Variants in TCAIM observed in about 807,000 individuals in gnomAD.
TCAIM encodes T cell activation inhibitor, mitochondrial.
A neutral mutation model predicts 58.6 loss-of-function variants in TCAIM; 36 were observed. The observed-to-expected ratio is 0.61, with a 90% CI of 0.47 to 0.81. TCAIM has a LOEUF of 0.81. TCAIM is among the 30% of genes least tolerant of loss of function. TCAIM has a pLI of 0.00. For missense variants in TCAIM, 466 were observed against 579.6 expected (o/e 0.80, Z 2.01); for synonymous variants, 172 against 193.6 (o/e 0.89, Z 0.93).
In TCAIM at chr3:44,406,438, A is replaced by G. The variant is rs78236888; in HGVS notation, c.1251-1004A>G. ...CCAGCTGTGAAACATTTGCAGAACC[A>G]TCAGCCCTGACTGCTGTCTGTCTGC... is the stretch of plus-strand genomic sequence containing the variant. On this transcript the variant is annotated intron_variant, in intron 10 of 10. Transcript: ENST00000342649. Among the ~76,000 whole-genome samples, 838 of 152,208 alleles carry G rather than the reference A, an allele frequency of 5.5e-3. 7 individuals carry two copies. The highest frequency in any genetic ancestry group is 0.019 in the African/African-American group (802 of 41,538).
At chr3:44,352,870 C>T (rs1375914572) in intron 1 of TCAIM, among the ~76,000 whole-genome samples, 1 of 151,038 alleles carries the variant, frequency 6.6e-6, no homozygotes, top group Non-Finnish European at 1.5e-5. Flanking sequence ...AATTCATATG[C>T]TTGGAATCAT....
chr3:44,363,086 AGCTACCACTAGTGCTTCT>A (rs1701317881), intron 4 of TCAIM: 1 of 152,208 alleles, frequency 6.6e-6, no homozygotes, highest in African/African-American at 2.4e-5. Flanking sequence ...TCGTTCCTAC[AGCTACCACTAGTGCTTCT>A]GCTACCACTC....
intron 4 of TCAIM, among the ~76,000 whole-genome samples, chr3:44,365,051 T>C (rs75439200): frequency 0.025 from 3,760 of 152,198 alleles, 67 homozygotes; most frequent in Non-Finnish European, 0.038. Flanking sequence ...GATTAAATAA[T>C]GAGCTGATAA....
chr3:44,379,648 C>A (rs1444535524), intron 5 of TCAIM, among the ~76,000 whole-genome samples: 9 of 152,132 alleles, frequency 5.9e-5, no homozygotes, highest in African/African-American at 2.2e-4. Flanking sequence ...CACATGTCCT[C>A]ACTTATAAGT....
chr3:44,356,869 G>A (rs113540262), intron 2 of TCAIM, among the ~76,000 whole-genome samples: 27,245 of 150,712 alleles, frequency 0.18, 2,723 homozygotes, highest in Middle Eastern at 0.3. Flanking sequence ...CCAGCTACTC[G>A]GGAGGCTGAG....
chr3:44,386,442 A>G (rs2125648330), intron 5 of TCAIM, among the ~76,000 whole-genome samples: 1 of 152,286 alleles, frequency 6.6e-6, no homozygotes, highest in Non-Finnish European at 1.5e-5. Flanking sequence ...GGGAACAGGC[A>G]GGAGCCCCAC....
intron 5 of TCAIM, among the ~76,000 whole-genome samples, chr3:44,382,277 G>A (rs1701666710): frequency 6.6e-6 from 1 of 152,134 alleles, no homozygotes. Context: ...AGACATATAG[G>A]CCAGGTGTAG....
At chr3:44,373,187 T>C (rs1448740681) in intron 5 of TCAIM, among the ~76,000 whole-genome samples, 1 of 152,010 alleles carries the variant, frequency 6.6e-6, no homozygotes, top group Non-Finnish European at 1.5e-5. Flanking sequence ...GAGGAGTTTT[T>C]TAAAAACACA....
intron 6 of TCAIM, among the ~76,000 whole-genome samples, chr3:44,395,201 A>G (rs2125653622): frequency 6.6e-6 from 1 of 152,034 alleles, no homozygotes; most frequent in Admixed American, 6.5e-5. Context: ...TTTAATTTCA[A>G]GTAATCAAAA....
intron 8 of TCAIM, among the ~76,000 whole-genome samples, chr3:44,398,492 GATAGATAA>G (rs1163118172): frequency 7.2e-6 from 1 of 139,522 alleles, no homozygotes; most frequent in East Asian, 2.4e-4. Context: ...TAGATAGATA[GATAGATAA>G]AACCATAGTG....
intron 3 of TCAIM, chr3:44,359,192 G>A: frequency 1.8e-6 from 1 of 545,066 alleles, no homozygotes; most frequent in Non-Finnish European, 2.3e-6. Flanking sequence ...TCAAGCCTGG[G>A]CAACATAGTG....
chr3:44,371,481 A>G (rs113245567), intron 5 of TCAIM, among the ~76,000 whole-genome samples: 8 of 152,194 alleles, frequency 5.3e-5, no homozygotes, highest in African/African-American at 1.9e-4. Context: ...GTTGGGTAGG[A>G]GAGAGAGGAC....
At chr3:44,370,849 C>G (rs1332043969) in intron 5 of TCAIM, among the ~76,000 whole-genome samples, 2 of 150,832 alleles carry the variant, frequency 1.3e-5, no homozygotes, top group Admixed American at 1.3e-4. Flanking sequence ...TCAAGTGATC[C>G]TCCCGCCTCA....
At chr3:44,403,884 G>A (rs2125658195) in intron 10 of TCAIM, among the ~76,000 whole-genome samples, 1 of 152,102 alleles carries the variant, frequency 6.6e-6, no homozygotes, top group East Asian at 1.9e-4. Context: ...TGGTCTTCAG[G>A]CTTCCACACT....
chr3:44,358,806 T>G (rs1306366875), intron 3 of TCAIM: 2 of 985,318 alleles, frequency 2.0e-6, no homozygotes, highest in Non-Finnish European at 2.4e-6. Flanking sequence ...TAGTTTAATA[T>G]GAAAAGGAAC....
rs1055539489 is a variant in TCAIM at position 44,354,932 on chromosome 3, G to A, written c.29+121G>A. The A allele has an allele frequency of 1.7e-5, 20 of 1,189,458 alleles. No homozygotes were observed. In the Admixed American group the frequency reaches 2.6e-4, roughly 16 times the overall value. The allele number at this position is 1,189,458 out of a possible 1,614,324, so 73.7% of individuals were successfully genotyped here. On this transcript the variant is annotated intron_variant, in intron 2 of 10. Transcript: ENST00000342649. The stretch of plus-strand genomic sequence containing the variant: ...TGAAGTTATATTATGGTGGAAAGCT[G>A]GAACAAAAAGAAAGAAAATTTATAT...
At chr3:44,375,031 G>A (rs1481992423) in intron 5 of TCAIM, among the ~76,000 whole-genome samples, 3 of 152,100 alleles carry the variant, frequency 2.0e-5, no homozygotes, top group Non-Finnish European at 4.4e-5. Context: ...TGATTTCACA[G>A]TCCAGCATTA....
chr3:44,406,584 T>C (rs1702104993), intron 10 of TCAIM, among the ~76,000 whole-genome samples: 1 of 152,246 alleles, frequency 6.6e-6, no homozygotes, highest in Admixed American at 6.5e-5. Flanking sequence ...TTTCTGTTTT[T>C]TACTGTCTAG....
At chr3:44,341,772 C>G (rs1465542807) in intron 1 of TCAIM, among the ~76,000 whole-genome samples, 1 of 152,110 alleles carries the variant, frequency 6.6e-6, no homozygotes, top group Non-Finnish European at 1.5e-5. Flanking sequence ...ATCCCTTATG[C>G]ATATTCTACT....
Sources: gnomAD v4.1 joint callset for allele counts (sites outside exome capture counted in the v4.1 genomes callset) on GRCh38, gnomAD v4.1.1 for gene constraint, MANE v1.5 for transcripts, NCBI Gene and HGNC (gene_info 2026-07-23, HGNC 2026-07-21) for gene names.